WDPCP: variants seen among roughly 807,000 people sequenced by gnomAD.
WDPCP encodes the protein WD repeat containing planar cell polarity effector, also known as WD repeat-containing and planar cell polarity effector protein fritz homolog.
A neutral mutation model predicts 93.1 loss-of-function variants in WDPCP; 71 were observed. The ratio of observed to expected loss-of-function variants is 0.76; its 90% CI spans 0.63 to 0.93. The LOEUF (loss-of-function observed/expected upper bound fraction) is 0.93. Ranked by LOEUF, WDPCP falls within the 40% of genes least tolerant of loss-of-function variation. WDPCP has a pLI of 0.00. For synonymous variants in WDPCP, 315 were observed against 315.0 expected, an observed-to-expected ratio of 1.00 and a Z score of 0.00; for missense variants, 844 against 887.4, an observed-to-expected ratio of 0.95 and a Z score of 0.62.
chr2:63,726,941 C>A (rs1669504049), intron 2 of WDPCP, among the ~76,000 whole-genome samples: 2 of 152,058 alleles, frequency 1.3e-5, no homozygotes, highest in Admixed American at 1.3e-4. Context: ...CTAGGAAAGT[C>A]TGGGCAGAAA....
chr2:63,464,699 A>G (rs926473179), intron 6 of WDPCP, among the ~76,000 whole-genome samples: 2 of 152,126 alleles, frequency 1.3e-5, no homozygotes, highest in Admixed American at 6.6e-5. Flanking sequence ...AACATTATTC[A>G]GCCTGAAAAA....
At chr2:63,736,010 C>T (rs563285924) in intron 2 of WDPCP, among the ~76,000 whole-genome samples, 9 of 152,318 alleles carry the variant, frequency 5.9e-5, no homozygotes, top group African/African-American at 1.9e-4. Flanking sequence ...GGAGAGTTCT[C>T]ATAATCCAGA....
intron 13 of WDPCP, among the ~76,000 whole-genome samples, chr2:63,296,065 T>A (rs1054656698): frequency 6.6e-6 from 1 of 151,854 alleles, no homozygotes; most frequent in Non-Finnish European, 1.5e-5. Context: ...AAACCAAATC[T>A]AACAACATAT....
At chr2:63,472,559 T>C (rs1699755586) in intron 6 of WDPCP, among the ~76,000 whole-genome samples, 1 of 152,040 alleles carries the variant, frequency 6.6e-6, no homozygotes, top group Non-Finnish European at 1.5e-5. Context: ...AAGAATTCCT[T>C]TCCCTTTTTC....
intron 14 of WDPCP, among the ~76,000 whole-genome samples, chr2:63,180,654 G>C (rs550175686): frequency 6.6e-6 from 1 of 152,110 alleles, no homozygotes; most frequent in East Asian, 1.9e-4. Context: ...TATGAGTGTG[G>C]GTATCTTTTA....
chr2:63,768,269 C>T (rs1367737853), intron 2 of WDPCP, among the ~76,000 whole-genome samples: 3 of 151,030 alleles, frequency 2.0e-5, no homozygotes, highest in Non-Finnish European at 2.9e-5. Flanking sequence ...TATTTTATAC[C>T]ATTGAACTAT....
In WDPCP at chr2:63,645,489, T is replaced by A. The variant is rs565418574; in HGVS notation, n.488+5170A>T. ...GAATGTGTATTCTGCAGCCATTGGA[T>A]GAAATGTTCTGAAAGTGTCTATTTG... On this transcript the variant is annotated intron_variant and non_coding_transcript_variant, in intron 3 of 4. Coordinates refer to the WDPCP transcript ENST00000467687. 3.3e-5 allele frequency among the ~76,000 whole-genome samples: 5 copies of A among 152,356 alleles called. No homozygotes were observed. In the East Asian group the frequency reaches 9.6e-4, roughly 29 times the overall value.
chr2:63,760,919 A>G (rs1670047182), intron 2 of WDPCP, among the ~76,000 whole-genome samples: 1 of 151,964 alleles, frequency 6.6e-6, no homozygotes, highest in African/African-American at 2.4e-5. Context: ...TCACCCATCC[A>G]CTCAGTGGTA....
chr2:63,230,055 A>G (rs934741168), intron 14 of WDPCP, among the ~76,000 whole-genome samples: 19 of 151,756 alleles, frequency 1.3e-4, no homozygotes, highest in African/African-American at 4.1e-4. Context: ...CATTTGCATT[A>G]GGTATATCTC....
intron 14 of WDPCP, chr2:63,233,269 C>A: frequency 5.3e-6 from 1 of 189,392 alleles, no homozygotes; most frequent in Non-Finnish European, 1.1e-5. Context: ...TGGAAAAATT[C>A]AATTTTGTTC....
At chr2:63,381,745 C>G (rs894820460) in intron 11 of WDPCP, among the ~76,000 whole-genome samples, 161 bp downstream of exon 11, 3 of 152,070 alleles carry the variant, frequency 2.0e-5, no homozygotes, top group African/African-American at 7.2e-5. Context: ...TATATGGGAG[C>G]AATTATTTGA....
chr2:63,164,851 T>TA, intron 15 of WDPCP, among the ~76,000 whole-genome samples: 1 of 152,290 alleles, frequency 6.6e-6, no homozygotes, highest in South Asian at 2.1e-4. Context: ...ACTAAGTTGT[T>TA]ATAAATTAAG....
chr2:63,127,662 CATATATATATATATATAT>C (rs67091232), intron 17 of WDPCP, among the ~76,000 whole-genome samples: 1 of 131,720 alleles, frequency 7.6e-6, no homozygotes, highest in Non-Finnish European at 1.6e-5. Flanking sequence ...TGTGTATGTG[CATATATATATATATATAT>C]ATATATATAT....
At chr2:63,248,169 G>C (rs1443865492) in intron 14 of WDPCP, among the ~76,000 whole-genome samples, 1 of 151,964 alleles carries the variant, frequency 6.6e-6, no homozygotes, top group Non-Finnish European at 1.5e-5. Flanking sequence ...ATAATAAGTA[G>C]AGTTACAAAC....
intron 10 of WDPCP, among the ~76,000 whole-genome samples, chr2:63,397,511 G>C (rs1693825424): frequency 6.6e-6 from 1 of 152,074 alleles, no homozygotes; most frequent in Admixed American, 6.6e-5. Flanking sequence ...TGAAAATAAA[G>C]TATAAACCTG....
chr2:63,130,423 T>C (rs1001983376), intron 17 of WDPCP, among the ~76,000 whole-genome samples: 2 of 152,122 alleles, frequency 1.3e-5, no homozygotes, highest in Non-Finnish European at 2.9e-5. Context: ...TTTATCCACA[T>C]ACACAAAGGT....
intron 2 of WDPCP, among the ~76,000 whole-genome samples, chr2:63,795,682 G>A (rs553277701): frequency 6.6e-6 from 1 of 152,244 alleles, no homozygotes; most frequent in East Asian, 1.9e-4. Context: ...AAAACCCATA[G>A]TAAAGAAGGA....
intron 17 of WDPCP, among the ~76,000 whole-genome samples, chr2:63,130,811 T>C (rs1299441247): frequency 1.3e-5 from 2 of 152,150 alleles, no homozygotes; most frequent in East Asian, 1.9e-4. Flanking sequence ...TCTCCTAATA[T>C]TACTGCATTG....
At chr2:63,552,060 G>A (rs1575631322) in intron 1 of WDPCP, among the ~76,000 whole-genome samples, 1 of 27,488 alleles carries the variant, frequency 3.6e-5, no homozygotes, top group African/African-American at 2.7e-4. Flanking sequence ...CTAAGGTTCT[G>A]GATTTTCAGG....
Sources: gnomAD v4.1 joint callset for allele counts (sites outside exome capture counted in the v4.1 genomes callset) on GRCh38, gnomAD v4.1.1 for gene constraint, MANE v1.5 for transcripts, NCBI Gene and HGNC (gene_info 2026-07-23, HGNC 2026-07-21) for gene names.